The following ZFAND4 variants were observed in gnomAD, a reference collection of about 807,000 sequenced individuals.
ZFAND4 encodes AN1-type zinc finger protein 4.
A neutral mutation model predicts 64.4 loss-of-function variants in ZFAND4; 43 were observed. The observed-to-expected ratio is 0.67, with a 90% CI of 0.52 to 0.86. ZFAND4 has a LOEUF of 0.86. ZFAND4 is among the 40% of genes least tolerant of loss of function. The pLI, the probability that ZFAND4 is intolerant of heterozygous loss-of-function variation, is 0.00. For synonymous variants in ZFAND4, 296 were observed against 305.7 expected, an observed-to-expected ratio of 0.97 and a Z score of 0.33; for missense variants, 929 against 859.8, an observed-to-expected ratio of 1.08 and a Z score of -1.01.
intron 1 of ZFAND4, among the ~76,000 whole-genome samples, chr10:45,669,422 T>C (rs2049036479): frequency 6.6e-6 from 1 of 152,224 alleles, no homozygotes; most frequent in African/African-American, 2.4e-5. Flanking sequence ...CAGGTCCAGA[T>C]GGATTCACAG....
chr10:45,671,861 A>C (rs1333319213), intron 1 of ZFAND4, among the ~76,000 whole-genome samples: 1 of 152,022 alleles, frequency 6.6e-6, no homozygotes, highest in Non-Finnish European at 1.5e-5. Context: ...CATTTCTCTC[A>C]TTTCTTCTGA....
At chr10:45,637,686 G>A (rs887880098) in intron 6 of ZFAND4, among the ~76,000 whole-genome samples, 2 of 152,134 alleles carry the variant, frequency 1.3e-5, no homozygotes, top group Non-Finnish European at 2.9e-5. Flanking sequence ...GGAGGTGGAG[G>A]TTGCAGTGAG....
chr10:45,644,544 G>A (rs1342047210), intron 5 of ZFAND4, among the ~76,000 whole-genome samples: 1 of 152,134 alleles, frequency 6.6e-6, no homozygotes, highest in African/African-American at 2.4e-5. Context: ...GCCAAGCAAG[G>A]AAAGCTACTC....
chr10:45,669,473 C>G (rs2049040044), intron 1 of ZFAND4, among the ~76,000 whole-genome samples: 1 of 152,196 alleles, frequency 6.6e-6, no homozygotes. Context: ...TGGTACCATT[C>G]CTTCTGAAAC....
chr10:45,637,742 T>C (rs555222409), intron 6 of ZFAND4, among the ~76,000 whole-genome samples: 6 of 151,350 alleles, frequency 4.0e-5, no homozygotes, highest in Non-Finnish European at 7.4e-5. Flanking sequence ...AGGGCGAGAC[T>C]CTGTCTCAAA....
At chr10:45,656,501 C>CAA (rs541781976) in intron 2 of ZFAND4, among the ~76,000 whole-genome samples, 982 of 24,014 alleles carry the variant, frequency 0.041, 36 homozygotes, top group Middle Eastern at 0.14. Context: ...GAACCTGTCT[C>CAA]AAAAAAAAAA....
At chr10:45,641,833 T>G (rs545414129) in intron 5 of ZFAND4, among the ~76,000 whole-genome samples, 20 of 152,194 alleles carry the variant, frequency 1.3e-4, no homozygotes, top group Non-Finnish European at 2.6e-4. Context: ...AAACTGCAGG[T>G]GAGAGAGGTT....
In ZFAND4 at chr10:45,672,596, G is replaced by A. The variant is rs2049276434; in HGVS notation, c.-464C>T. The stretch of plus-strand genomic sequence containing the variant: ...CCTTGCGCCATTCCGGCCCCACGAC[G>A]GCCGGCGGCGGCAGCGCGGCTGGGC... On this transcript the variant is annotated 5_prime_UTR_variant, in exon 1 of 10. Coordinates refer to ENST00000344646, the MANE Select transcript of ZFAND4 (RefSeq NM_174890.4). 1 of 151,894 alleles carries A rather than the reference G, an allele frequency of 6.6e-6. No individual in the cohort carries two copies. The highest frequency in any genetic ancestry group is 1.5e-5 in the Non-Finnish European group (1 of 68,012). The allele number at this position is 151,894 out of a possible 1,614,324, so 9.4% of individuals were successfully genotyped here.
intron 1 of ZFAND4, among the ~76,000 whole-genome samples, chr10:45,671,447 TAG>T (rs1282171336): frequency 6.6e-6 from 1 of 152,118 alleles, no homozygotes; most frequent in Non-Finnish European, 1.5e-5. Flanking sequence ...CCATCAGTGA[TAG>T]AGTGGATTAA....
intron 7 of ZFAND4, among the ~76,000 whole-genome samples, chr10:45,625,358 C>G (rs1003143738): frequency 6.6e-6 from 1 of 150,856 alleles, no homozygotes; most frequent in African/African-American, 2.4e-5. Flanking sequence ...CCTGTAGTCC[C>G]AGCTACTTGG....
chr10:45,654,107 G>C (rs2047937090), intron 2 of ZFAND4, among the ~76,000 whole-genome samples: 1 of 152,104 alleles, frequency 6.6e-6, no homozygotes, highest in African/African-American at 2.4e-5. Flanking sequence ...TTATAAGCAG[G>C]AGCTAAACAC....
chr10:45,632,714 A>G (rs1191829586), intron 6 of ZFAND4, among the ~76,000 whole-genome samples: 1 of 152,208 alleles, frequency 6.6e-6, no homozygotes, highest in Non-Finnish European at 1.5e-5. Context: ...ACAGATACAC[A>G]CAAAAGAAAG....
chr10:45,660,224 A>G (rs1368613094), intron 2 of ZFAND4, among the ~76,000 whole-genome samples: 1 of 151,778 alleles, frequency 6.6e-6, no homozygotes, highest in Non-Finnish European at 1.5e-5. Flanking sequence ...AGTGGTATGC[A>G]CTTGTAGTCC....
intron 6 of ZFAND4, among the ~76,000 whole-genome samples, chr10:45,633,749 C>A (rs190766776): frequency 1.3e-5 from 2 of 151,912 alleles, no homozygotes; most frequent in Admixed American, 1.3e-4. Flanking sequence ...GTATTCCTAC[C>A]AAAAATGTTC....
At chr10:45,644,730 T>C (rs960090132) in intron 5 of ZFAND4, among the ~76,000 whole-genome samples, 2 of 152,208 alleles carry the variant, frequency 1.3e-5, no homozygotes, top group African/African-American at 2.4e-5. Context: ...TGAGCTGACA[T>C]ATATTACCCA....
intron 6 of ZFAND4, among the ~76,000 whole-genome samples, chr10:45,632,991 A>G (rs908516286): frequency 2.6e-5 from 4 of 152,150 alleles, no homozygotes; most frequent in Admixed American, 2.6e-4. Context: ...CAGGCAAGGA[A>G]AATTCAAGGG....
chr10:45,630,586 G>A (rs1473659749), intron 6 of ZFAND4, among the ~76,000 whole-genome samples: 1 of 151,938 alleles, frequency 6.6e-6, no homozygotes, highest in Non-Finnish European at 1.5e-5. Context: ...AAATTAGCCG[G>A]GCGTGGTGGC....
rs747434416 is a variant in ZFAND4, at chr10:45,626,301, GAGA to G, written c.1519_1521del (p.Ser507del). On this transcript the variant is annotated inframe_deletion, in exon 7 of 10. Transcript: ENST00000344646. ...GTTATGTTTTGAACATCCAGTGACT[GAGA>G]AGAAGAAGGCTGTAGCTTCCCAAAC... 376 of 1,614,176 alleles carry G rather than the reference GAGA, an allele frequency of 2.3e-4. 1 individual carries two copies. Among genetic ancestry groups the G allele is most frequent in the South Asian group, 1.9e-3 (173 of 91,072 alleles).
rs563924216 is a variant in ZFAND4 at position 45,640,437 on chromosome 10, A to AG, written c.570-475_570-474insC. Reference sequence around the variant, plus strand: ...GAGATTCTCACTAAAAAAAAAAAAAAAAAAAGAATTCATACACAGGTGTCA... The same window carrying AG: ...GAGATTCTCACTAAAAAAAAAAAAAAGAAAAAGAATTCATACACAGGTGTCA... On this transcript the variant is annotated intron_variant, in intron 5 of 9. Transcript: ENST00000344646. 926 of 1,245,204 alleles carry AG rather than the reference A, an allele frequency of 7.4e-4. 4 individuals are homozygous for AG. The African/African-American group carries it at 0.013, about 18-fold the overall frequency. 77.1% of individuals were successfully genotyped at this position (1,245,204 alleles called of 1,614,324 possible).
Sources: gnomAD v4.1 joint callset for allele counts (sites outside exome capture counted in the v4.1 genomes callset) on GRCh38, gnomAD v4.1.1 for gene constraint, MANE v1.5 for transcripts, NCBI Gene and HGNC (gene_info 2026-07-23, HGNC 2026-07-21) for gene names.